CCSER1: variants seen among roughly 807,000 people sequenced by gnomAD.
CCSER1 encodes coiled-coil serine rich protein 1.
Under a neutral mutation model 82.0 loss-of-function variants are expected in CCSER1, and 41 were observed. That is an observed-to-expected ratio of 0.50 (90% confidence interval 0.39 to 0.65). The LOEUF (loss-of-function observed/expected upper bound fraction) is 0.65, where lower values mean the gene tolerates loss of function less well. CCSER1 is among the 30% of genes least tolerant of loss of function. The pLI is 0.00. For missense variants in CCSER1, 1,119 were observed against 1,064.2 expected (o/e 1.05, Z -0.72); for synonymous variants, 414 against 383.9 (o/e 1.08, Z -0.92).
intron 10 of CCSER1, among the ~76,000 whole-genome samples, chr4:91,540,284 A>G (rs773723825): frequency 3.3e-5 from 5 of 152,130 alleles, no homozygotes; most frequent in Non-Finnish European, 5.9e-5. Flanking sequence ...GGTCTTGTAT[A>G]TCCTACTGTA....
chr4:90,889,759 T>C (rs1722691665), intron 8 of CCSER1, among the ~76,000 whole-genome samples: 1 of 152,188 alleles, frequency 6.6e-6, no homozygotes, highest in Admixed American at 6.5e-5. Context: ...GCTAGCAGTG[T>C]CATACATTCT....
intron 1 of CCSER1, among the ~76,000 whole-genome samples, chr4:90,187,927 A>G (rs1160356144): frequency 6.6e-6 from 1 of 151,952 alleles, no homozygotes; most frequent in African/African-American, 2.4e-5. Flanking sequence ...AACAACAAAA[A>G]AACAGTCAGA....
chr4:90,854,755 T>TTCATTATAAGA (rs1395806076), intron 8 of CCSER1, among the ~76,000 whole-genome samples: 1 of 152,096 alleles, frequency 6.6e-6, no homozygotes, highest in Non-Finnish European at 1.5e-5. Context: ...TTTATTGATC[T>TTCATTATAAGA]TCATTATAAG....
At chr4:90,909,037 T>C (rs1015751018) in intron 8 of CCSER1, among the ~76,000 whole-genome samples, 6 of 152,128 alleles carry the variant, frequency 3.9e-5, no homozygotes, top group African/African-American at 1.4e-4. Context: ...CTCTGAGGGC[T>C]CTAGAAAAGG....
At chr4:90,374,574 A>G (rs1008166171) in intron 3 of CCSER1, among the ~76,000 whole-genome samples, 4 of 152,086 alleles carry the variant, frequency 2.6e-5, no homozygotes, top group African/African-American at 9.7e-5. Context: ...TTGATGCATT[A>G]TATGCTCATA....
chr4:91,170,958 A>G (rs934293138), intron 10 of CCSER1, among the ~76,000 whole-genome samples: 1 of 152,224 alleles, frequency 6.6e-6, no homozygotes, highest in Non-Finnish European at 1.5e-5. Flanking sequence ...GAGCAAAATG[A>G]GAAGCTGCTG....
At chr4:90,997,197 G>A (rs59796895) in intron 9 of CCSER1, among the ~76,000 whole-genome samples, 10,127 of 152,002 alleles carry the variant, frequency 0.067, 474 homozygotes, top group East Asian at 0.2. Flanking sequence ...GGGGAGAGTC[G>A]GCTTCCTAGT....
chr4:90,975,046 T>A, intron 9 of CCSER1, among the ~76,000 whole-genome samples: 1 of 151,448 alleles, frequency 6.6e-6, no homozygotes, highest in Non-Finnish European at 1.5e-5. Context: ...TGTAGTGAAA[T>A]ACTGATCTAT....
At chr4:91,226,994 C>G (rs962758059) in intron 10 of CCSER1, among the ~76,000 whole-genome samples, 2 of 151,712 alleles carry the variant, frequency 1.3e-5, no homozygotes, top group Non-Finnish European at 2.9e-5. Flanking sequence ...ATGAATTGAT[C>G]CACATCTATT....
chr4:91,197,803 T>C (rs1735574021), intron 10 of CCSER1, among the ~76,000 whole-genome samples: 1 of 152,178 alleles, frequency 6.6e-6, no homozygotes, highest in South Asian at 2.1e-4. Context: ...TTTCTTAGTC[T>C]TGACATTCAC....
intron 10 of CCSER1, among the ~76,000 whole-genome samples, chr4:91,594,153 T>A (rs1469957083): frequency 6.6e-6 from 1 of 151,964 alleles, no homozygotes; most frequent in African/African-American, 2.4e-5. Flanking sequence ...TTGAGAAAGA[T>A]GTGGCTAGAC....
chr4:90,537,827 C>G (rs756856775), intron 5 of CCSER1, among the ~76,000 whole-genome samples: 1 of 151,950 alleles, frequency 6.6e-6, no homozygotes, highest in Non-Finnish European at 1.5e-5. Context: ...GATTGTTAAC[C>G]CTCCAGTTTT....
intron 10 of CCSER1, among the ~76,000 whole-genome samples, chr4:91,571,132 C>T (rs1428014383): frequency 2.0e-5 from 3 of 152,072 alleles, no homozygotes; most frequent in African/African-American, 4.8e-5. Context: ...TTGTCCATAT[C>T]ACCATCAGCA....
At chr4:90,204,605 A>G (rs961241713) in intron 1 of CCSER1, among the ~76,000 whole-genome samples, 3 of 152,132 alleles carry the variant, frequency 2.0e-5, no homozygotes, top group Admixed American at 6.5e-5. Context: ...GCCTTGTAGT[A>G]TAGTTTGAAG....
chr4:91,572,916 G>C (rs1187931004), intron 10 of CCSER1, among the ~76,000 whole-genome samples: 1 of 152,158 alleles, frequency 6.6e-6, no homozygotes, highest in Non-Finnish European at 1.5e-5. Flanking sequence ...AAAGCCTAGA[G>C]GCTGGATCAG....
intron 10 of CCSER1, among the ~76,000 whole-genome samples, chr4:91,399,295 A>G (rs1231034219): frequency 6.6e-6 from 1 of 151,914 alleles, no homozygotes; most frequent in African/African-American, 2.4e-5. Context: ...TCAGATAGCT[A>G]AGATACTAGA....
At chr4:90,616,463 T>TTGATGTCA (rs1721225262) in intron 5 of CCSER1, among the ~76,000 whole-genome samples, 2 of 151,960 alleles carry the variant, frequency 1.3e-5, no homozygotes, top group African/African-American at 2.4e-5. Flanking sequence ...GGAGGATCAC[T>TTGATGTCA]TGATGTCAGG....
intron 8 of CCSER1, among the ~76,000 whole-genome samples, chr4:90,878,475 C>T (rs1373994937): frequency 6.6e-6 from 1 of 152,174 alleles, no homozygotes; most frequent in Non-Finnish European, 1.5e-5. Context: ...GGTCTTTTCA[C>T]TTCCCCTGTT....
intron 10 of CCSER1, among the ~76,000 whole-genome samples, chr4:91,211,597 G>A (rs1302565645): frequency 1.3e-5 from 2 of 152,010 alleles, no homozygotes; most frequent in African/African-American, 4.8e-5. Context: ...CTGTCAGTAC[G>A]CATGTGGGAA....
Sources: gnomAD v4.1 joint callset for allele counts (sites outside exome capture counted in the v4.1 genomes callset) on GRCh38, gnomAD v4.1.1 for gene constraint, MANE v1.5 for transcripts, NCBI Gene and HGNC (gene_info 2026-07-23, HGNC 2026-07-21) for gene names.